SLCO1B3: variants seen among roughly 807,000 people sequenced by gnomAD.
The protein encoded by SLCO1B3 is liver-specific organic anion transporter 2.
Under a neutral mutation model 71.8 loss-of-function variants are expected in SLCO1B3, and 72 were observed. The observed-to-expected ratio is 1.00, with a 90% CI of 0.83 to 1.22. The LOEUF is 1.22. SLCO1B3 is among the 50% of genes most tolerant of loss of function. SLCO1B3 has a pLI of 0.00. For missense variants in SLCO1B3, 911 were observed against 819.7 expected (o/e 1.11, Z -1.36); for synonymous variants, 298 against 278.4 (o/e 1.07, Z -0.70).
intron 13 of SLCO1B3, among the ~76,000 whole-genome samples, chr12:20,890,051 G>A (rs1223667393): frequency 6.6e-6 from 1 of 151,842 alleles, no homozygotes; most frequent in Non-Finnish European, 1.5e-5. Context: ...CCTAGTAGCT[G>A]GGATTAAAGA....
intron 6 of SLCO1B3, 128 bp downstream of exon 6, chr12:20,861,266 C>G: frequency 1.3e-6 from 1 of 786,708 alleles, no homozygotes; most frequent in Non-Finnish European, 1.9e-6. Flanking sequence ...CCCTTACATA[C>G]AGACAAAATC....
In SLCO1B3 at chr12:20,860,887, G is replaced by A. The variant is rs71539433; in HGVS notation, c.360-130G>A. 1,140 of 941,594 alleles carry A rather than the reference G, an allele frequency of 1.2e-3. 4 individuals carry two copies. In the Middle Eastern group the frequency reaches 0.014, roughly 12 times the overall value. 58.3% of individuals were successfully genotyped at this position (941,594 alleles called of 1,614,324 possible). A position where few individuals can be genotyped will look rare whatever the true frequency, so the allele number is the denominator to read the frequency against. ...GTTCTGAAATACATGCTGGGAAGTTGACAAACAAGATTCTGGTAATTTGGA... is the reference window on the plus strand; with the variant it reads ...GTTCTGAAATACATGCTGGGAAGTTAACAAACAAGATTCTGGTAATTTGGA... On this transcript the variant is annotated intron_variant, in intron 5 of 15. Transcript: ENST00000381545.
chr12:20,818,006 G>A (rs1212529344), intron 3 of SLCO1B3, among the ~76,000 whole-genome samples: 2 of 152,156 alleles, frequency 1.3e-5, no homozygotes, highest in Admixed American at 6.5e-5. Context: ...GCATGTATGA[G>A]TAGTTGAGAA....
chr12:20,884,568 G>C (rs1166710069), intron 13 of SLCO1B3, among the ~76,000 whole-genome samples: 1 of 152,064 alleles, frequency 6.6e-6, no homozygotes, highest in Non-Finnish European at 1.5e-5. Flanking sequence ...ATGATGTTTG[G>C]AGAGTTGAGG....
chr12:20,836,999 G>C (rs1488276804), intron 3 of SLCO1B3, among the ~76,000 whole-genome samples: 1 of 152,126 alleles, frequency 6.6e-6, no homozygotes, highest in Non-Finnish European at 1.5e-5. Context: ...ACAGATAAAG[G>C]CCTAATTCAG....
chr12:20,873,419 G>A (rs6487170), intron 8 of SLCO1B3, among the ~76,000 whole-genome samples: 109,977 of 151,850 alleles, frequency 0.72, 42,417 homozygotes, highest in South Asian at 0.9. Flanking sequence ...TGTGATAAAT[G>A]TCCACATACT....
At chr12:20,811,673 G>A (rs1472810975) in intron 1 of SLCO1B3, among the ~76,000 whole-genome samples, 1 of 152,186 alleles carries the variant, frequency 6.6e-6, no homozygotes, top group Non-Finnish European at 1.5e-5. Flanking sequence ...TCTGTTCAGG[G>A]AAGAGTTGCA....
At chr12:20,879,664 A>G (rs759808232) in intron 11 of SLCO1B3, 33 bp downstream of exon 11, 3 of 1,336,052 alleles carry the variant, frequency 2.2e-6, no homozygotes, top group East Asian at 2.4e-5. Flanking sequence ...ATTGTGTAAT[A>G]TGTTAACCAT....
At chr12:20,881,637 T>C (rs1865695617) in intron 12 of SLCO1B3, among the ~76,000 whole-genome samples, 1 of 152,132 alleles carries the variant, frequency 6.6e-6, no homozygotes, top group Non-Finnish European at 1.5e-5. Context: ...ATTGCCAACA[T>C]ATCCATTGGA....
intron 3 of SLCO1B3, among the ~76,000 whole-genome samples, chr12:20,829,920 C>G (rs1487584294): frequency 6.6e-6 from 1 of 152,162 alleles, no homozygotes; most frequent in Non-Finnish European, 1.5e-5. Flanking sequence ...AGAAGTCACT[C>G]TGTGGCCATT....
chr12:20,850,441 G>A (rs1015945120), intron 3 of SLCO1B3, among the ~76,000 whole-genome samples: 4 of 151,604 alleles, frequency 2.6e-5, no homozygotes, highest in Admixed American at 6.6e-5. Flanking sequence ...CACCACTCCC[G>A]GCTAATTTTT....
At chr12:20,827,811 G>A (rs7977191) in intron 3 of SLCO1B3, among the ~76,000 whole-genome samples, 80,383 of 151,600 alleles carry the variant, frequency 0.53, 21,919 homozygotes, top group East Asian at 0.75. Flanking sequence ...CTCATGATCC[G>A]CCCGCCTTGG....
intron 15 of SLCO1B3, among the ~76,000 whole-genome samples, chr12:20,904,505 C>A (rs184245585): frequency 6.6e-6 from 1 of 152,148 alleles, no homozygotes; most frequent in African/African-American, 2.4e-5. Flanking sequence ...AGGTACAGTC[C>A]CCATGGCTGC....
chr12:20,858,528 A>G lies in SLCO1B3; in HGVS notation c.316A>G (p.Thr106Ala). 1.2e-6 allele frequency: 2 copies of G among 1,604,598 alleles called. No homozygotes were observed. Among genetic ancestry groups the G allele is most frequent in the South Asian group, 1.1e-5 (1 of 90,822 alleles). The change falls in exon 5 of 16, where the codon ACT (threonine) becomes GCT (alanine). Residue 106 changes from threonine (T) to alanine (A), a missense_variant. Thr to Ala is a moderately conservative substitution (Grantham distance 58). Coordinates refer to ENST00000381545, the MANE Select transcript of SLCO1B3 (RefSeq NM_019844.4). ...LIGIGCLLMG[T>A]GSILTSLPHF... ...TGGAATTGGTTGTCTCCTTATGGGA[A>G]CTGGAAGTATTTTGACATCTTTACC...
intron 3 of SLCO1B3, among the ~76,000 whole-genome samples, chr12:20,847,803 G>T (rs1864947717): frequency 6.6e-6 from 1 of 151,708 alleles, no homozygotes; most frequent in African/African-American, 2.4e-5. Flanking sequence ...GGAGAATAGA[G>T]AGAGAAAAGG....
rs1430632437 is a variant in SLCO1B3 at position 20,812,905 on chromosome 12, AAAT to A, written c.-180-616_-180-614del. Among the ~76,000 whole-genome samples the A allele has an allele frequency of 5.9e-5, 9 of 152,338 alleles. No individual in the cohort carries two copies. The East Asian group carries it at 1.7e-3, about 29-fold the overall frequency. On this transcript the variant is annotated intron_variant, in intron 1 of 15. Coordinates refer to ENST00000381545, the MANE Select transcript of SLCO1B3 (RefSeq NM_019844.4). ...TGCAATTATAGAATTAATTGGTAAA[AAAT>A]AAATATTTTCCAACTTTTAAATTAT...
At chr12:20,861,279 ACT>A in intron 6 of SLCO1B3, 141 bp downstream of exon 6, 1 of 707,872 alleles carries the variant, frequency 1.4e-6, no homozygotes, top group Non-Finnish European at 2.2e-6. Context: ...ACAAAATCAT[ACT>A]GTTAATGTAT....
At chr12:20,903,291 G>A (rs1341168319) in intron 15 of SLCO1B3, among the ~76,000 whole-genome samples, 4 of 152,090 alleles carry the variant, frequency 2.6e-5, no homozygotes, top group Admixed American at 6.6e-5. Flanking sequence ...AAAAAAACCT[G>A]TACTTGAATA....
chr12:20,895,984 T>C (rs1355598881), intron 13 of SLCO1B3, among the ~76,000 whole-genome samples: 5 of 152,208 alleles, frequency 3.3e-5, no homozygotes, highest in Non-Finnish European at 7.3e-5. Context: ...GCTTGCACCA[T>C]GTGAAGGCAC....
Sources: gnomAD v4.1 joint callset for allele counts (sites outside exome capture counted in the v4.1 genomes callset) on GRCh38, gnomAD v4.1.1 for gene constraint, MANE v1.5 for transcripts, NCBI Gene and HGNC (gene_info 2026-07-23, HGNC 2026-07-21) for gene names.